LPP: variants seen among roughly 807,000 people sequenced by gnomAD.
LPP encodes lipoma-preferred partner.
Under a neutral mutation model 60.4 loss-of-function variants are expected in LPP, and 38 were observed. The observed-to-expected ratio is 0.63, with a 90% CI of 0.49 to 0.83. The LOEUF (loss-of-function observed/expected upper bound fraction) is 0.83. Among genes scored for constraint, LPP ranks in the 40% least tolerant of loss-of-function variants. The pLI, the probability that LPP is intolerant of heterozygous loss-of-function variation, is 0.00. For missense variants in LPP, 902 were observed against 783.6 expected (o/e 1.15, Z -1.80); for synonymous variants, 328 against 290.8 (o/e 1.13, Z -1.30).
At position 188,183,227 on chromosome 3, in the gene LPP, T is replaced by C. The variant is rs367590948; in HGVS notation, c.-190+28975T>C. On this transcript the variant is annotated intron_variant, in intron 1 of 11. Coordinates refer to ENST00000617246, the MANE Select transcript of LPP (RefSeq NM_001375462.1). ...AGTGTAGAAAACAGGCACCACGTCC[T>C]GGAGTATCCTTTCCATTCCCCCTCC... Among the ~76,000 whole-genome samples, 274 of 152,308 alleles carry C rather than the reference T, an allele frequency of 1.8e-3. 1 individual carries two copies. Among genetic ancestry groups the C allele is most frequent in the African/African-American group, 6.4e-3 (265 of 41,548 alleles).
At chr3:188,445,036 G>A (rs530383459) in intron 4 of LPP, among the ~76,000 whole-genome samples, 20 of 152,336 alleles carry the variant, frequency 1.3e-4, no homozygotes, top group African/African-American at 4.3e-4. Flanking sequence ...TACACTGTTG[G>A]TGGGAGTGTA....
At chr3:188,866,777 GCTCT>G (rs1286760091) in intron 10 of LPP, among the ~76,000 whole-genome samples, 2 of 152,070 alleles carry the variant, frequency 1.3e-5, no homozygotes, top group Non-Finnish European at 2.9e-5. Flanking sequence ...CCTCTCTAAA[GCTCT>G]CTCAGCTGTG....
intron 9 of LPP, among the ~76,000 whole-genome samples, chr3:188,769,842 G>A (rs1268998476): frequency 6.6e-6 from 1 of 152,146 alleles, no homozygotes; most frequent in Non-Finnish European, 1.5e-5. Context: ...AAATAGGACA[G>A]CGTTTGCTTT....
chr3:188,665,000 C>A (rs1051558597), intron 7 of LPP, among the ~76,000 whole-genome samples: 1 of 152,220 alleles, frequency 6.6e-6, no homozygotes, highest in South Asian at 2.1e-4. Context: ...CAGTGTAGTA[C>A]GCCCTCTAGA....
At chr3:188,372,012 G>A (rs7627877) in intron 3 of LPP, among the ~76,000 whole-genome samples, 1,668 of 151,000 alleles carry the variant, frequency 0.011, 28 homozygotes, top group African/African-American at 0.037. Flanking sequence ...TCTCCCTCTG[G>A]CCTAGTTTGT....
chr3:188,433,656 G>T (rs558352110), intron 4 of LPP, among the ~76,000 whole-genome samples: 57 of 149,836 alleles, frequency 3.8e-4, no homozygotes, highest in Admixed American at 3.7e-3. Context: ...AGGAGGGAGA[G>T]AGAGGAAAGG....
At chr3:188,796,705 C>G (rs1284039825) in intron 9 of LPP, among the ~76,000 whole-genome samples, 1 of 152,166 alleles carries the variant, frequency 6.6e-6, no homozygotes, top group African/African-American at 2.4e-5. Flanking sequence ...GCATTTTCTA[C>G]TACATGATTT....
intron 1 of LPP, among the ~76,000 whole-genome samples, chr3:188,185,719 T>C (rs1361503222): frequency 2.0e-5 from 3 of 152,194 alleles, no homozygotes; most frequent in Admixed American, 6.5e-5. Context: ...CCTTGGACAC[T>C]CTCCCTAGGA....
intron 1 of LPP, among the ~76,000 whole-genome samples, chr3:188,193,214 CAAG>C (rs1728655661): frequency 6.6e-6 from 1 of 152,036 alleles, no homozygotes; most frequent in Non-Finnish European, 1.5e-5. Flanking sequence ...TATTACTGTA[CAAG>C]AAGAAGTTGG....
intron 3 of LPP, among the ~76,000 whole-genome samples, chr3:188,377,283 T>A: frequency 6.6e-6 from 1 of 152,224 alleles, no homozygotes; most frequent in Non-Finnish European, 1.5e-5. Context: ...TTCTTCTGGA[T>A]AATATCCTGC....
At chr3:188,437,564 G>A (rs1578884086) in intron 4 of LPP, among the ~76,000 whole-genome samples, 1 of 152,206 alleles carries the variant, frequency 6.6e-6, no homozygotes, top group Non-Finnish European at 1.5e-5. Context: ...TACTCTTTTA[G>A]TCTTTGCCAA....
At chr3:188,837,744 A>T (rs1338820304) in intron 9 of LPP, among the ~76,000 whole-genome samples, 1 of 152,170 alleles carries the variant, frequency 6.6e-6, no homozygotes, top group Non-Finnish European at 1.5e-5. Context: ...AAATATCATC[A>T]TTACTTTGAG....
chr3:188,392,525 A>G (rs115472241), intron 3 of LPP, among the ~76,000 whole-genome samples: 1,581 of 152,236 alleles, frequency 0.01, 34 homozygotes, highest in African/African-American at 0.036. Context: ...CTTTATAACA[A>G]ACTAAATAGG....
intron 7 of LPP, among the ~76,000 whole-genome samples, chr3:188,618,285 A>C (rs888106340): frequency 2.2e-4 from 34 of 152,344 alleles, no homozygotes; most frequent in Middle Eastern, 3.4e-3. Context: ...CAAATAATAC[A>C]GTTTGGTTTA....
At chr3:188,420,966 G>GC (rs1199182024) in intron 4 of LPP, among the ~76,000 whole-genome samples, 1 of 152,076 alleles carries the variant, frequency 6.6e-6, no homozygotes, top group Non-Finnish European at 1.5e-5. Context: ...CATGTGTAAG[G>GC]CAGGGCATAG....
At chr3:188,240,002 T>C (rs562745601) in intron 2 of LPP, 1 of 196,470 alleles carries the variant, frequency 5.1e-6, no homozygotes, top group African/African-American at 2.3e-5. Context: ...AGAAGTAAAA[T>C]GAGTTGCTCA....
At chr3:188,455,013 T>C (rs980112369) in intron 4 of LPP, among the ~76,000 whole-genome samples, 1 of 152,212 alleles carries the variant, frequency 6.6e-6, no homozygotes, top group African/African-American at 2.4e-5. Context: ...AAGCATCCTT[T>C]ATACAAGTGA....
chr3:188,495,064 T>TTATATATATATATACATA (rs1809555263), intron 5 of LPP, among the ~76,000 whole-genome samples: 1 of 53,880 alleles, frequency 1.9e-5, no homozygotes, highest in Non-Finnish European at 3.3e-5. Flanking sequence ...GTTCAGGATT[T>TTATATATATATATACATA]TATATATATA....
intron 7 of LPP, among the ~76,000 whole-genome samples, chr3:188,662,849 C>A (rs1261951943): frequency 6.6e-6 from 1 of 152,232 alleles, no homozygotes; most frequent in African/African-American, 2.4e-5. Flanking sequence ...AATATTATAA[C>A]GTCCCTTAGT....
Sources: allele counts gnomAD v4.1 joint callset (sites outside exome capture counted in the v4.1 genomes callset), GRCh38; gene constraint gnomAD v4.1.1; transcripts MANE v1.5; gene names NCBI Gene and HGNC (gene_info 2026-07-23, HGNC 2026-07-21).